CNTN3: variants seen among roughly 807,000 people sequenced by gnomAD.
CNTN3 encodes contactin 3, also known as contactin-3.
In CNTN3, 60 loss-of-function variants were observed where a neutral mutation model predicts 119.1. The observed-to-expected ratio is 0.50, with a 90% CI of 0.41 to 0.62. CNTN3 has a LOEUF of 0.62. Ranked by LOEUF, CNTN3 falls within the 20% of genes least tolerant of loss-of-function variation. The pLI is 0.00. For synonymous variants in CNTN3, 450 were observed against 438.7 expected, an observed-to-expected ratio of 1.03 and a Z score of -0.32; for missense variants, 1,101 against 1,242.4, an observed-to-expected ratio of 0.89 and a Z score of 1.71.
intron 13 of CNTN3, among the ~76,000 whole-genome samples, chr3:74,308,745 C>T (rs1017205565): frequency 6.6e-6 from 1 of 151,996 alleles, no homozygotes; most frequent in Non-Finnish European, 1.5e-5. Context: ...ATTAGAGTCA[C>T]GTCTTCACAA....
Position 74,371,289 on chromosome 3 carries a change from A to T in CNTN3, c.565T>A (p.Ser189Thr). The part of the protein sequence containing the change: ...GHLYISKVEP[S>T]DVGNYTCVVT... ...ACACATGTGTAATTTCCCACATCAGACGGCTCCACCTTAGATATGTAGAGG... is the reference window on the plus strand; with the variant it reads ...ACACATGTGTAATTTCCCACATCAGTCGGCTCCACCTTAGATATGTAGAGG... Residue 189 changes from serine (S) to threonine (T), a missense_variant, in exon 6 of 23, where the codon TCT (serine) becomes ACT (threonine). Ser to Thr is a moderately conservative substitution (Grantham distance 58). Transcript: ENST00000263665. The T allele has an allele frequency of 1.2e-6, 2 of 1,613,446 alleles. No individual in the cohort carries two copies. The highest frequency in any genetic ancestry group is 1.7e-6 in the Non-Finnish European group (2 of 1,179,648).
At chr3:74,309,299 T>G (rs1156977974) in intron 13 of CNTN3, among the ~76,000 whole-genome samples, 1 of 152,078 alleles carries the variant, frequency 6.6e-6, no homozygotes, top group Admixed American at 6.5e-5. Flanking sequence ...GAGATGGGGT[T>G]TCACCATATT....
At chr3:74,610,169 A>T (rs1027947907) in intron 1 of CNTN3, among the ~76,000 whole-genome samples, 1 of 152,026 alleles carries the variant, frequency 6.6e-6, no homozygotes. Context: ...CAAAAAATCC[A>T]AAAATTAGCC....
At position 74,506,413 on chromosome 3, in the gene CNTN3, A is replaced by G. The variant is rs76601965; in HGVS notation, c.56-6628T>C. Among the ~76,000 whole-genome samples the G allele has an allele frequency of 5.8e-3, 880 of 152,294 alleles. 9 individuals are homozygous for G. Among genetic ancestry groups the G allele is most frequent in the African/African-American group, 0.019 (795 of 41,564 alleles). On this transcript the variant is annotated intron_variant, in intron 2 of 22. Transcript: ENST00000263665. ...TGAATGAAAGGGTTAATTTATAGTTATAGCGCAGGACATAATGTTTTTGGC... is the reference window on the plus strand; with the variant it reads ...TGAATGAAAGGGTTAATTTATAGTTGTAGCGCAGGACATAATGTTTTTGGC...
intron 19 of CNTN3, among the ~76,000 whole-genome samples, chr3:74,293,031 C>T (rs372499038): frequency 6.9e-6 from 1 of 144,426 alleles, no homozygotes; most frequent in East Asian, 2.1e-4. Flanking sequence ...ACTCTCTCTT[C>T]CTTAAGTCCA....
chr3:74,358,440 TA>T lies in CNTN3; in HGVS notation c.1364+3449del, dbSNP rs748434044. ...TGTTTATTGGGTGCATTCCCGTCCA[TA>T]AAAAAAAAAAAAAATTCTGTATTTC... On this transcript the variant is annotated intron_variant, in intron 11 of 22. Transcript: ENST00000263665. Among the ~76,000 whole-genome samples the T allele has an allele frequency of 7.5e-3, 1,016 of 135,290 alleles. 7 individuals carry two copies. Among genetic ancestry groups the T allele is most frequent in the African/African-American group, 0.016 (591 of 36,970 alleles). The allele number at this position is 135,290 out of a possible 152,430, so 88.8% of individuals were successfully genotyped here. A position where few individuals can be genotyped will look rare whatever the true frequency, so the allele number is the denominator to read the frequency against.
chr3:74,591,181 G>A (rs1704696263), intron 1 of CNTN3, among the ~76,000 whole-genome samples: 1 of 151,660 alleles, frequency 6.6e-6, no homozygotes, highest in South Asian at 2.1e-4. Flanking sequence ...CCTTATGTTG[G>A]TTTTTTTGAG....
In CNTN3 at chr3:74,424,939, A is replaced by T. The variant is rs752224554; in HGVS notation, c.360T>A (p.Tyr120Ter). 1 of 1,586,932 alleles carries T rather than the reference A, an allele frequency of 6.3e-7. No homozygotes were observed. The highest frequency in any genetic ancestry group is 2.3e-5 in the East Asian group (1 of 43,174). The change falls in exon 5 of 23, where the codon TAT (tyrosine) becomes TAA (stop). Residue 120 changes from tyrosine (Y) to a stop codon, truncating the protein, a stop_gained and splice_region_variant. Transcript: ENST00000263665. LOFTEE classifies it high-confidence loss of function. ...TCATTTTGGTTTTAAAATTTTCAAG[A>T]TCTGATTTGAAAACAAAACAAAACT... ...VSREAKLQFA[Y>*]LENFKTKMRS...
intron 5 of CNTN3, 55 bp from the exon 6 acceptor site, chr3:74,371,454 T>C (rs1704337194): frequency 7.6e-7 from 1 of 1,322,878 alleles, no homozygotes; most frequent in Non-Finnish European, 1.1e-6. Flanking sequence ...CAGTTTTCCA[T>C]TGTGTCCTTA....
chr3:74,273,130 A>G (rs997895152), intron 20 of CNTN3, among the ~76,000 whole-genome samples: 1 of 152,208 alleles, frequency 6.6e-6, no homozygotes, highest in Non-Finnish European at 1.5e-5. Flanking sequence ...TATACAATTA[A>G]GTCATATATA....
Position 74,264,122 on chromosome 3 carries a change from T to C in CNTN3, c.*279A>G, listed in dbSNP as rs1701624464. 4.4e-6 allele frequency: 1 copy of C among 228,118 alleles called. No homozygotes were observed. The highest frequency in any genetic ancestry group is 2.3e-5 in the African/African-American group (1 of 44,256). The allele number at this position is 228,118 out of a possible 1,614,324, so 14.1% of individuals were successfully genotyped here. ...ACATGTGAGAGTGTGTGAGTCTTTATCCATAGGCAGTGCTTAAACTCATAG... is the reference window on the plus strand; with the variant it reads ...ACATGTGAGAGTGTGTGAGTCTTTACCCATAGGCAGTGCTTAAACTCATAG... On this transcript the variant is annotated 3_prime_UTR_variant, in exon 23 of 23. Transcript: ENST00000263665.
At chr3:74,275,448 T>C (rs1259946358) in intron 20 of CNTN3, among the ~76,000 whole-genome samples, 1 of 152,174 alleles carries the variant, frequency 6.6e-6, no homozygotes, top group Non-Finnish European at 1.5e-5. Context: ...AACATCAGAT[T>C]TCTCAGCAGA....
rs529831033 is a variant in CNTN3, at chr3:74,588,827, A to G, written c.-81+25564T>C. On this transcript the variant is annotated intron_variant, in intron 1 of 22. Coordinates refer to ENST00000263665, the MANE Select transcript of CNTN3 (RefSeq NM_020872.3). ...CATGTCTACAACTATCTGATCTTTG[A>G]CAAATCTGAGAAAAACAAGCAATGG... 1.3e-3 allele frequency among the ~76,000 whole-genome samples: 197 copies of G among 152,304 alleles called. 1 individual carries two copies. Among genetic ancestry groups the G allele is most frequent in the Non-Finnish European group, 2.4e-3 (160 of 68,024 alleles).
chr3:74,401,214 A>G (rs1705183018), intron 5 of CNTN3, among the ~76,000 whole-genome samples: 1 of 152,156 alleles, frequency 6.6e-6, no homozygotes, highest in African/African-American at 2.4e-5. Flanking sequence ...GCTTAGGAAG[A>G]GCCAACTTAA....
intron 11 of CNTN3, among the ~76,000 whole-genome samples, chr3:74,361,184 C>G (rs1028485836): frequency 6.6e-6 from 1 of 152,056 alleles, no homozygotes; most frequent in African/African-American, 2.4e-5. Flanking sequence ...CCAATACTTA[C>G]GCTTACTTTC....
chr3:74,292,529 G>A (rs1411638058), intron 19 of CNTN3, among the ~76,000 whole-genome samples: 1 of 152,148 alleles, frequency 6.6e-6, no homozygotes. Flanking sequence ...TCATGCCACT[G>A]CACTCCAGCC....
chr3:74,451,002 G>T (rs897700879), intron 4 of CNTN3, among the ~76,000 whole-genome samples: 6 of 152,128 alleles, frequency 3.9e-5, no homozygotes, highest in Non-Finnish European at 8.8e-5. Flanking sequence ...ATAGCAGCAT[G>T]ATTTATAGTC....
chr3:74,498,907 C>T (rs1262163841), intron 3 of CNTN3, among the ~76,000 whole-genome samples: 3 of 151,760 alleles, frequency 2.0e-5, no homozygotes, highest in Non-Finnish European at 4.4e-5. Flanking sequence ...ATAAATAATT[C>T]ATCTCTTCAT....
intron 11 of CNTN3, among the ~76,000 whole-genome samples, chr3:74,352,851 G>A (rs1468339277): frequency 6.6e-6 from 1 of 152,150 alleles, no homozygotes; most frequent in African/African-American, 2.4e-5. Context: ...TCTCAGCTAC[G>A]TATCTGAGGG....
Sources: allele counts gnomAD v4.1 joint callset (sites outside exome capture counted in the v4.1 genomes callset), GRCh38; gene constraint gnomAD v4.1.1; transcripts MANE v1.5; gene names NCBI Gene and HGNC (gene_info 2026-07-23, HGNC 2026-07-21).